The following VAT1L variants were observed in gnomAD, a reference collection of about 807,000 sequenced individuals.
The protein encoded by VAT1L is putative NADPH-dependent quinone oxidoreductase VAT1L.
In VAT1L, 34 loss-of-function variants were observed where a neutral mutation model predicts 44.1. The ratio of observed to expected loss-of-function variants is 0.77; its 90% CI spans 0.59 to 1.03. The LOEUF (loss-of-function observed/expected upper bound fraction) is 1.03, where lower values mean the gene tolerates loss of function less well. VAT1L is among the 50% of genes least tolerant of loss of function. The pLI is 0.00. For synonymous variants in VAT1L, 253 were observed against 202.2 expected, an observed-to-expected ratio of 1.25 and a Z score of -2.13; for missense variants, 615 against 538.8, an observed-to-expected ratio of 1.14 and a Z score of -1.40.
Position 77,825,252 on chromosome 16 carries a change from G to A in VAT1L, c.370G>A (p.Asp124Asn), listed in dbSNP as rs139415774. Residue 124 changes from aspartate to asparagine, a missense_variant, in exon 3 of 9, where the codon GAC becomes AAC. By Grantham distance (23) the Asp-to-Asn change is conservative. Transcript: ENST00000302536. ...GDSVKGYEIG[D>N]RVMAFVNYNA... Reference sequence around the variant, plus strand: ...TGTGTTTCCCCATGCCCAGATTGGAGACCGTGTCATGGCATTTGTCAATTA... The same window carrying A: ...TGTGTTTCCCCATGCCCAGATTGGAAACCGTGTCATGGCATTTGTCAATTA... The A allele has an allele frequency of 1.1e-4, 182 of 1,614,076 alleles. No homozygotes were observed. The East Asian group carries it at 4.0e-3, about 35-fold the overall frequency.
chr16:77,931,524 T>C (rs569224278), intron 7 of VAT1L, among the ~76,000 whole-genome samples: 1 of 152,362 alleles, frequency 6.6e-6, no homozygotes. Flanking sequence ...CTATATTTTC[T>C]GATGTGTAAA....
At chr16:77,846,062 G>T (rs986563265) in intron 3 of VAT1L, among the ~76,000 whole-genome samples, 10 of 152,164 alleles carry the variant, frequency 6.6e-5, no homozygotes, top group Non-Finnish European at 1.3e-4. Flanking sequence ...CAGGGTCTGG[G>T]ATGGAGTGGG....
intron 7 of VAT1L, among the ~76,000 whole-genome samples, chr16:77,956,153 C>G (rs1374431526): frequency 1.3e-5 from 2 of 152,156 alleles, no homozygotes; most frequent in African/African-American, 2.4e-5. Flanking sequence ...TGATTACTAT[C>G]TATTGCATGC....
At chr16:77,883,576 T>A (rs1389280358) in intron 6 of VAT1L, among the ~76,000 whole-genome samples, 2 of 152,170 alleles carry the variant, frequency 1.3e-5, no homozygotes, top group East Asian at 3.9e-4. Context: ...TTTAGCTGCA[T>A]CCCTGGCTTC....
chr16:77,971,798 C>G, intron 7 of VAT1L, 52 bp from the exon 8 acceptor site: 1 of 1,570,820 alleles, frequency 6.4e-7, no homozygotes. Flanking sequence ...CCCTTTTTAA[C>G]TGGGGAACAT....
intron 7 of VAT1L, among the ~76,000 whole-genome samples, chr16:77,922,571 G>A (rs117371256): frequency 0.011 from 1,743 of 152,336 alleles, 15 homozygotes; most frequent in South Asian, 0.02. Context: ...GAGGTGCTGT[G>A]ACATGTGCCA....
At chr16:77,948,444 G>A (rs2017997824) in intron 7 of VAT1L, among the ~76,000 whole-genome samples, 1 of 152,110 alleles carries the variant, frequency 6.6e-6, no homozygotes, top group Non-Finnish European at 1.5e-5. Flanking sequence ...TTAGCAATAC[G>A]GTGTCACAGT....
chr16:77,863,797 GC>G (rs2016940719), intron 4 of VAT1L, among the ~76,000 whole-genome samples: 1 of 152,040 alleles, frequency 6.6e-6, no homozygotes, highest in Non-Finnish European at 1.5e-5. Context: ...ATGAGGTGAG[GC>G]TGAGCAAGGA....
intron 8 of VAT1L, among the ~76,000 whole-genome samples, chr16:77,973,944 C>T (rs2018307870): frequency 6.6e-6 from 1 of 152,006 alleles, no homozygotes; most frequent in South Asian, 2.1e-4. Flanking sequence ...GCCAGGATCT[C>T]CTGACCTTGT....
At chr16:77,792,510 A>C (rs74026865) in intron 1 of VAT1L, among the ~76,000 whole-genome samples, 27,762 of 152,012 alleles carry the variant, frequency 0.18, 2,759 homozygotes, top group African/African-American at 0.25. Flanking sequence ...GCTGGATCCC[A>C]CTGCAGAGTC....
At chr16:77,915,190 C>T (rs1216539240) in intron 7 of VAT1L, among the ~76,000 whole-genome samples, 1 of 151,878 alleles carries the variant, frequency 6.6e-6, no homozygotes, top group Non-Finnish European at 1.5e-5. Flanking sequence ...TGAATCGTAA[C>T]CATAGATTGG....
At chr16:77,945,163 G>C (rs1212727780) in intron 7 of VAT1L, among the ~76,000 whole-genome samples, 1 of 151,930 alleles carries the variant, frequency 6.6e-6, no homozygotes, top group African/African-American at 2.4e-5. Flanking sequence ...ATCTGTGGGG[G>C]CACAAACCCA....
chr16:77,924,271 T>A (rs531186567), intron 7 of VAT1L, among the ~76,000 whole-genome samples: 3 of 152,042 alleles, frequency 2.0e-5, no homozygotes, highest in Non-Finnish European at 4.4e-5. Context: ...GCAGGCAGGA[T>A]CTCTTTTTCA....
chr16:77,941,358 A>C (rs2017881060), intron 7 of VAT1L, among the ~76,000 whole-genome samples: 1 of 152,174 alleles, frequency 6.6e-6, no homozygotes, highest in Non-Finnish European at 1.5e-5. Flanking sequence ...GATTCAAGTT[A>C]TGATGTGCTG....
At chr16:77,949,952 T>G (rs1182881127) in intron 7 of VAT1L, among the ~76,000 whole-genome samples, 1 of 152,242 alleles carries the variant, frequency 6.6e-6, no homozygotes, top group African/African-American at 2.4e-5. Flanking sequence ...CAGCTTCTAA[T>G]GAAAGATTCC....
rs149920129 is a variant in VAT1L at position 77,963,516 on chromosome 16, C to G, written c.1078-8334C>G. Among the ~76,000 whole-genome samples the G allele has an allele frequency of 1.6e-3, 243 of 152,242 alleles. 3 individuals carry two copies. Among genetic ancestry groups the G allele is most frequent in the Non-Finnish European group, 3.7e-4 (25 of 68,026 alleles). ...AAACCCATTTCAAACTTTTGACCTCCAGAACGGTAAGATAATAAATTTGTG... is the reference window on the plus strand; with the variant it reads ...AAACCCATTTCAAACTTTTGACCTCGAGAACGGTAAGATAATAAATTTGTG... On this transcript the variant is annotated intron_variant, in intron 7 of 8. Transcript: ENST00000302536.
At chr16:77,793,450 G>A (rs1012359637) in intron 1 of VAT1L, among the ~76,000 whole-genome samples, 22 of 152,186 alleles carry the variant, frequency 1.4e-4, no homozygotes, top group Admixed American at 2.6e-4. Context: ...TGTATGGTTC[G>A]CCCCTAACTG....
rs190653146 is a variant in VAT1L, at chr16:77,900,746, G to A, written c.1077+15944G>A. Among the ~76,000 whole-genome samples, 87 of 149,958 alleles carry A rather than the reference G, an allele frequency of 5.8e-4. 1 individual carries two copies. The highest frequency in any genetic ancestry group is 2.5e-4 in the Non-Finnish European group (17 of 67,666). ...AAAGGCAAAAATATTGCCCATAATT[G>A]TGCCACCCTAAACAAAACCATTGTT... On this transcript the variant is annotated intron_variant, in intron 7 of 8. Transcript: ENST00000302536.
At chr16:77,901,732 A>G (rs2017385880) in intron 7 of VAT1L, among the ~76,000 whole-genome samples, 1 of 151,752 alleles carries the variant, frequency 6.6e-6, no homozygotes, top group African/African-American at 2.4e-5. Context: ...ACAACATCCC[A>G]CTCCCACTCA....
Sources: gnomAD v4.1 joint callset for allele counts (sites outside exome capture counted in the v4.1 genomes callset) on GRCh38, gnomAD v4.1.1 for gene constraint, MANE v1.5 for transcripts, NCBI Gene and HGNC (gene_info 2026-07-23, HGNC 2026-07-21) for gene names.